The following SLC2A8 variants were observed in gnomAD, a reference collection of about 807,000 sequenced individuals.
SLC2A8 encodes the protein solute carrier family 2, facilitated glucose transporter member 8.
Under a neutral mutation model 49.2 loss-of-function variants are expected in SLC2A8, and 53 were observed. The observed-to-expected ratio is 1.08, with a 90% CI of 0.86 to 1.35. The LOEUF is 1.35. SLC2A8 is among the 40% of genes most tolerant of loss of function. SLC2A8 has a pLI of 0.00. For synonymous variants in SLC2A8, 299 were observed against 297.0 expected (o/e 1.01, Z -0.07); for missense variants, 688 against 671.7 (o/e 1.02, Z -0.27).
At chr9:127,400,050 G>T (rs781276801) in intron 4 of SLC2A8, 44 bp downstream of exon 4, 25 of 1,555,112 alleles carry the variant, frequency 1.6e-5, no homozygotes, top group Non-Finnish European at 2.0e-5. Context: ...TGGTCATGTG[G>T]CCATTTTACA....
chr9:127,405,320 G>T, intron 8 of SLC2A8, 100 bp from the exon 9 acceptor site: 3 of 1,402,380 alleles, frequency 2.1e-6, no homozygotes, highest in Non-Finnish European at 2.9e-6. Flanking sequence ...GGACCCCACA[G>T]CCCCACAGGC....
At position 127,405,434 on chromosome 9, in the gene SLC2A8, TG is replaced by T; in HGVS notation, c.1170del (p.Ile392SerfsTer33). On this transcript the variant is annotated frameshift_variant, in exon 9 of 10. Coordinates refer to ENST00000373371, the MANE Select transcript of SLC2A8 (RefSeq NM_014580.5). LOFTEE classifies it high-confidence loss of function. Reference sequence around the variant, plus strand: ...CGCTCCCACAGGCTTTGCGGTGGGCTGGGGGCCCATCCCCTGGCTCCTCATG... The same window carrying T: ...CGCTCCCACAGGCTTTGCGGTGGGCTGGGGCCCATCCCCTGGCTCCTCATG... The part of the protein sequence containing the change: ...CLFIAGFAVG[W>X]GPIPWLLMSE... The T allele has an allele frequency of 1.2e-6, 2 of 1,612,816 alleles. No individual in the cohort carries two copies. The highest frequency in any genetic ancestry group is 8.5e-7 in the Non-Finnish European group (1 of 1,179,966).
chr9:127,397,193 C>G lies in SLC2A8; in HGVS notation c.-38C>G, dbSNP rs1197136017. 20 of 1,446,150 alleles carry G rather than the reference C, an allele frequency of 1.4e-5. No homozygotes were observed. The highest frequency in any genetic ancestry group is 2.9e-5 in the Admixed American group (1 of 34,764). 89.6% of individuals were successfully genotyped at this position (1,446,150 alleles called of 1,614,324 possible). Reference sequence around the variant, plus strand: ...CGCACTCGCAGGGCCCGTGGCGGTTCAGGCGCCAGAGCTGGCCGATCGGCG... The same window carrying G: ...CGCACTCGCAGGGCCCGTGGCGGTTGAGGCGCCAGAGCTGGCCGATCGGCG... On this transcript the variant is annotated 5_prime_UTR_variant, in exon 1 of 10. Coordinates refer to ENST00000373371, the MANE Select transcript of SLC2A8 (RefSeq NM_014580.5).
At chr9:127,407,868 GCAAAAAAAAACAAAACAAAA>G (rs1419021414) in exon 10 of SLC2A8, 12 of 112,596 alleles carry the variant, frequency 1.1e-4, no homozygotes, top group African/African-American at 4.6e-4. Flanking sequence ...AAAATAAACA[GCAAAAAAAAACAAAACAAAA>G]CAAAAAAAAA....
At chr9:127,398,189 TG>T in intron 3 of SLC2A8, 78 bp downstream of exon 3, 2 of 1,461,212 alleles carry the variant, frequency 1.4e-6, no homozygotes, top group Non-Finnish European at 9.5e-7. Flanking sequence ...TCCCCAGGCC[TG>T]GGGGCGCGGC....
intron 7 of SLC2A8, 22 bp downstream of exon 7, chr9:127,404,089 G>A (rs781612311): frequency 2.7e-6 from 4 of 1,499,966 alleles, no homozygotes; most frequent in East Asian, 5.0e-5. Flanking sequence ...CCCCTGTGCA[G>A]CCTCCCCGCC....
chr9:127,404,483 G>C, intron 7 of SLC2A8: 1 of 327,720 alleles, frequency 3.1e-6, no homozygotes, highest in Non-Finnish European at 5.6e-6. Flanking sequence ...TCCACGTGAG[G>C]CCTTCAGCAA....
Position 127,404,507 on chromosome 9 carries a change from C to T in SLC2A8, c.977-311C>T, listed in dbSNP as rs570356033. On this transcript the variant is annotated intron_variant, in intron 7 of 9. Transcript: ENST00000373371. ...GGCCTTCAGCAAGAGCTGCGGCCCACGGACATTTGGTACCCAGCAGCTGCT... is the reference window on the plus strand; with the variant it reads ...GGCCTTCAGCAAGAGCTGCGGCCCATGGACATTTGGTACCCAGCAGCTGCT... 1.3e-3 allele frequency: 500 copies of T among 372,492 alleles called. 4 individuals are homozygous for T. The highest frequency in any genetic ancestry group is 9.6e-3 in the African/African-American group (460 of 48,042). The allele number at this position is 372,492 out of a possible 1,614,324, so 23.1% of individuals were successfully genotyped here. A position where few individuals can be genotyped will look rare whatever the true frequency, so the allele number is the denominator to read the frequency against.
At chr9:127,406,404 C>T (rs556807129) in intron 9 of SLC2A8, among the ~76,000 whole-genome samples, 12 of 152,126 alleles carry the variant, frequency 7.9e-5, no homozygotes, top group South Asian at 2.1e-4. Flanking sequence ...AGGCCGATGC[C>T]TGGGGGTGGA....
At position 127,404,017 on chromosome 9, in the gene SLC2A8, C is replaced by T. The variant is rs150703954; in HGVS notation, c.926C>T (p.Ala309Val). 447 of 1,606,546 alleles carry T rather than the reference C, an allele frequency of 2.8e-4. 1 individual carries two copies. Among genetic ancestry groups the T allele is most frequent in the South Asian group, 2.6e-3 (236 of 90,944 alleles). The change falls in exon 7 of 10, where the codon GCG (alanine) becomes GTG (valine). Residue 309 changes from alanine (A) to valine (V), a missense_variant. By Grantham distance (64) the Ala-to-Val change is moderately conservative. Coordinates refer to ENST00000373371, the MANE Select transcript of SLC2A8 (RefSeq NM_014580.5). ...ATCCAGGTGCTGTTCACAGCTGTGG[C>T]GGCTCTCATCATGGACAGAGCAGGG... The part of the protein sequence containing the change: ...GVIQVLFTAV[A>V]ALIMDRAGRR...
Position 127,398,076 on chromosome 9 carries a change from G to T in SLC2A8, c.391G>T (p.Gly131Cys). 1 of 1,587,330 alleles carries T rather than the reference G, an allele frequency of 6.3e-7. No homozygotes were observed. The change falls in exon 3 of 10, where the codon GGC becomes TGC. Residue 131 changes from glycine (G) to cysteine (C), a missense_variant. Physicochemically the swap from Gly to Cys is radical, Grantham distance 159. Coordinates refer to ENST00000373371, the MANE Select transcript of SLC2A8 (RefSeq NM_014580.5). The stretch of plus-strand genomic sequence containing the variant: ...GCTGCTGGGGGGCCGCCTCCTCACC[G>T]GCCTGGCCTGCGGTGTTGCCTCCCT... The part of the protein sequence containing the change: ...WMLLGGRLLT[G>C]LACGVASLVA...
Position 127,397,528 on chromosome 9 carries a change from C to G in SLC2A8, c.209C>G (p.Ser70Cys). 7.0e-7 allele frequency: 1 copy of G among 1,421,410 alleles called. No individual in the cohort carries two copies. The highest frequency in any genetic ancestry group is 9.1e-7 in the Non-Finnish European group (1 of 1,099,128). The allele number at this position is 1,421,410 out of a possible 1,614,324, so 88.0% of individuals were successfully genotyped here. A position where few individuals can be genotyped will look rare whatever the true frequency, so the allele number is the denominator to read the frequency against. The change falls in exon 2 of 10, where the codon TCC becomes TGC. Residue 70 changes from serine (S) to cysteine (C), a missense_variant. Ser to Cys is a moderately radical substitution (Grantham distance 112). Transcript: ENST00000373371. ...PAPRLDDAAA[S>C]WFGAVVTLGA... is the part of the protein sequence containing the mutation. ...CCGCGCCTGGACGACGCCGCCGCCT[C>G]CTGGTTCGGGGTGAGGCCCCGGGCT... is the stretch of plus-strand genomic sequence containing the variant.
chr9:127,402,572 G>A lies in SLC2A8; in HGVS notation c.542G>A (p.Trp181Ter). Residue 181 changes from tryptophan to a stop codon, truncating the protein, a stop_gained, in exon 5 of 10, where the codon TGG (tryptophan) becomes TAG (stop). Coordinates refer to ENST00000373371, the MANE Select transcript of SLC2A8 (RefSeq NM_014580.5). LOFTEE classifies it high-confidence loss of function. ...LAYLAGWVLE[W>*]RWLAVLGCVP... is the part of the protein sequence containing the mutation. ...CCCCCCGCAGGCTGGGTGCTGGAGTGGCGCTGGCTGGCTGTGCTGGGCTGC... is the reference window on the plus strand; with the variant it reads ...CCCCCCGCAGGCTGGGTGCTGGAGTAGCGCTGGCTGGCTGTGCTGGGCTGC... 2 of 1,570,784 alleles carry A rather than the reference G, an allele frequency of 1.3e-6. No individual in the cohort carries two copies. Among genetic ancestry groups the A allele is most frequent in the Admixed American group, 3.6e-5 (2 of 55,090 alleles).
rs1328820258 is a variant in SLC2A8 at position 127,399,014 on chromosome 9, G to A, written c.427-893G>A. On this transcript the variant is annotated intron_variant, in intron 3 of 9. Transcript: ENST00000373371. The surrounding 1 kb of genome is among the most constrained non-coding windows in gnomAD (Gnocchi z 4.2). ...AGAAGCTGGGCCTTTTATGTCTTTG[G>A]TTTTTTTAACTGGGCAGAAACACAC... is the stretch of plus-strand genomic sequence containing the variant. 6.6e-6 allele frequency among the ~76,000 whole-genome samples: 1 copy of A among 152,212 alleles called. No individual in the cohort carries two copies. The highest frequency in any genetic ancestry group is 2.4e-5 in the African/African-American group (1 of 41,458).
rs1190716003 is a variant in SLC2A8, at chr9:127,399,868, A to G, written c.427-39A>G. On this transcript the variant is annotated intron_variant, in intron 3 of 9. Coordinates refer to ENST00000373371, the MANE Select transcript of SLC2A8 (RefSeq NM_014580.5). This position sits in a 1 kb window ranked among gnomAD's most constrained non-coding sequence, Gnocchi z 4.2. ...AGTGCTGGGATTGCAGGCATGAGCC[A>G]CTGCGCCCAGCCATAAATCCTCATC... 1 of 1,579,556 alleles carries G rather than the reference A, an allele frequency of 6.3e-7. No homozygotes were observed. Among genetic ancestry groups the G allele is most frequent in the Non-Finnish European group, 8.7e-7 (1 of 1,150,328 alleles).
In SLC2A8 at chr9:127,397,525, C is replaced by T; in HGVS notation, c.206C>T (p.Ala69Val). 2.2e-5 allele frequency: 32 copies of T among 1,422,454 alleles called. No homozygotes were observed. The highest frequency in any genetic ancestry group is 2.8e-5 in the Non-Finnish European group (31 of 1,099,630). The allele number at this position is 1,422,454 out of a possible 1,614,324, so 88.1% of individuals were successfully genotyped here. ...GCCCCGCGCCTGGACGACGCCGCCG[C>T]CTCCTGGTTCGGGGTGAGGCCCCGG... ...PPAPRLDDAA[A>V]SWFGAVVTLG... is the part of the protein sequence containing the mutation. Residue 69 changes from alanine (A) to valine (V), a missense_variant, in exon 2 of 10, where the codon GCC becomes GTC. Coordinates refer to ENST00000373371, the MANE Select transcript of SLC2A8 (RefSeq NM_014580.5).
At chr9:127,403,576 A>T in intron 5 of SLC2A8, 84 bp from the exon 6 acceptor site, 1 of 1,555,802 alleles carries the variant, frequency 6.4e-7, no homozygotes, top group Non-Finnish European at 8.8e-7. Context: ...GCGCTCCCCA[A>T]GCCTTAGGAC....
rs1013331450 is a variant in SLC2A8, at chr9:127,397,946, C to T, written c.261C>T (p.Gly87=). ...TLGAAAGGVL[G]GWLVDRAGRK... ...GTGCCGCGGCGGGGGGAGTGCTGGG[C>T]GGCTGGCTGGTGGACCGCGCCGGGC... is the stretch of plus-strand genomic sequence containing the variant. Residue 87 remains glycine (G), a synonymous_variant, in exon 3 of 10, where the codon GGC becomes GGT. Transcript: ENST00000373371. The T allele has an allele frequency of 1.3e-6, 2 of 1,533,496 alleles. No individual in the cohort carries two copies. The highest frequency in any genetic ancestry group is 1.4e-5 in the African/African-American group (1 of 72,886). 95.0% of individuals were successfully genotyped at this position (1,533,496 alleles called of 1,614,324 possible).
At chr9:127,402,339 C>A (rs911619711) in intron 4 of SLC2A8, 1 of 584,004 alleles carries the variant, frequency 1.7e-6, no homozygotes, top group African/African-American at 1.9e-5. Flanking sequence ...GTAATGTCCG[C>A]GTTGTCATAC....
Sources: allele counts gnomAD v4.1 joint callset (sites outside exome capture counted in the v4.1 genomes callset), GRCh38; gene constraint gnomAD v4.1.1; non-coding constraint Gnocchi (gnomAD v3.1); transcripts MANE v1.5; gene names NCBI Gene and HGNC (gene_info 2026-07-23, HGNC 2026-07-21).